The following LARGE1 variants were observed in gnomAD, a reference collection of about 807,000 sequenced individuals.
LARGE1 encodes xylosyl- and glucuronyltransferase LARGE1.
In LARGE1, 43 loss-of-function variants were observed where a neutral mutation model predicts 87.6. The ratio of observed to expected loss-of-function variants is 0.49; its 90% CI spans 0.38 to 0.63. LARGE1 has a LOEUF of 0.63. Among genes scored for constraint, LARGE1 ranks in the 30% least tolerant of loss-of-function variants. LARGE1 has a pLI of 0.00. For synonymous variants in LARGE1, 434 were observed against 394.6 expected (o/e 1.10, Z -1.18); for missense variants, 802 against 1,000.2 (o/e 0.80, Z 2.67).
intron 5 of LARGE1, among the ~76,000 whole-genome samples, chr22:33,594,924 G>C (rs9607063): frequency 0.085 from 12,938 of 152,198 alleles, 673 homozygotes; most frequent in African/African-American, 0.14. Context: ...TTTCTTAACA[G>C]AAGTTTCTGG....
intron 6 of LARGE1, among the ~76,000 whole-genome samples, chr22:33,538,706 G>A (rs1165093821): frequency 6.6e-6 from 1 of 152,056 alleles, no homozygotes; most frequent in South Asian, 2.1e-4. Flanking sequence ...TGCTTGGCAC[G>A]GCCACACAAA....
chr22:33,538,373 T>G (rs2077097219), intron 6 of LARGE1, among the ~76,000 whole-genome samples: 1 of 152,258 alleles, frequency 6.6e-6, no homozygotes, highest in Non-Finnish European at 1.5e-5. Context: ...GAATCACTTC[T>G]CTTTCTTGCG....
At chr22:33,502,078 T>C (rs1027644636) in intron 6 of LARGE1, among the ~76,000 whole-genome samples, 3 of 151,738 alleles carry the variant, frequency 2.0e-5, no homozygotes, top group Non-Finnish European at 4.4e-5. Context: ...CGCCTGTAGT[T>C]CCAGCTACTC....
At chr22:33,290,754 C>T (rs1455108496) in intron 12 of LARGE1, among the ~76,000 whole-genome samples, 1 of 152,056 alleles carries the variant, frequency 6.6e-6, no homozygotes, top group Non-Finnish European at 1.5e-5. Context: ...AAGTTCCCTT[C>T]CCAGCTAGGC....
the LARGE1 span, among the ~76,000 whole-genome samples, chr22:33,149,089 G>T: frequency 6.7e-6 from 1 of 149,120 alleles, no homozygotes; most frequent in South Asian, 2.1e-4. Context: ...CCAGGCTGCA[G>T]TGCAGTGGCG....
chr22:33,393,780 A>AG (rs751543173), intron 7 of LARGE1, among the ~76,000 whole-genome samples: 1 of 152,240 alleles, frequency 6.6e-6, no homozygotes, highest in Non-Finnish European at 1.5e-5. Context: ...AGGACTGTCA[A>AG]GGGAGCTGGC....
intron 12 of LARGE1, among the ~76,000 whole-genome samples, chr22:33,284,005 G>A (rs895993679): frequency 6.6e-6 from 1 of 152,194 alleles, no homozygotes. Flanking sequence ...AACACTTGGG[G>A]AACCCAGAGT....
intron 10 of LARGE1, among the ~76,000 whole-genome samples, chr22:33,324,266 A>AC (rs1451766472): frequency 7.3e-6 from 1 of 136,950 alleles, no homozygotes; most frequent in Non-Finnish European, 1.5e-5. Context: ...AAAGCCAAAA[A>AC]AACAAAAACA....
intron 6 of LARGE1, among the ~76,000 whole-genome samples, chr22:33,455,180 C>T (rs1286502166): frequency 6.6e-6 from 1 of 152,152 alleles, no homozygotes; most frequent in Admixed American, 6.5e-5. Flanking sequence ...GGCCTTGTTG[C>T]CAATGCTTCC....
At chr22:33,438,084 T>C (rs990774374) in intron 6 of LARGE1, among the ~76,000 whole-genome samples, 18 of 152,124 alleles carry the variant, frequency 1.2e-4, no homozygotes, top group Admixed American at 3.9e-4. Context: ...GGTGACAGCA[T>C]GGATGATACA....
intron 2 of LARGE1, among the ~76,000 whole-genome samples, chr22:33,706,776 C>T: frequency 6.6e-6 from 1 of 152,090 alleles, no homozygotes; most frequent in Admixed American, 6.6e-5. Flanking sequence ...GTGAATTGGC[C>T]CTTTTCTGCC....
the LARGE1 span, among the ~76,000 whole-genome samples, chr22:33,095,929 G>A: frequency 6.6e-6 from 1 of 152,168 alleles, no homozygotes; most frequent in Non-Finnish European, 1.5e-5. Context: ...TCCTAGCAGT[G>A]AGTTTTGGAG....
rs1162100086 is a variant in LARGE1, at chr22:33,768,574, C to T, written c.-82-7016G>A. On this transcript the variant is annotated intron_variant, in intron 1 of 14. Coordinates refer to ENST00000397394, the MANE Select transcript of LARGE1 (RefSeq NM_133642.5). ...AGGACTTCTCTGTCAAGTCTAGTCCCGGAGGCTCTCCCTTTTTGCTTCTCA... is the reference window on the plus strand; with the variant it reads ...AGGACTTCTCTGTCAAGTCTAGTCCTGGAGGCTCTCCCTTTTTGCTTCTCA... Among the ~76,000 whole-genome samples, 3 of 152,196 alleles carry T rather than the reference C, an allele frequency of 2.0e-5. 1 individual carries two copies. Among genetic ancestry groups the T allele is most frequent in the Admixed American group, 1.3e-4 (2 of 15,286 alleles).
chr22:33,620,776 G>A (rs1427725995), intron 4 of LARGE1, among the ~76,000 whole-genome samples: 1 of 152,028 alleles, frequency 6.6e-6, no homozygotes, highest in African/African-American at 2.4e-5. Context: ...AATTAGCCGG[G>A]CGTGGTGGTG....
intron 3 of LARGE1, among the ~76,000 whole-genome samples, chr22:33,645,774 T>C (rs2080593080): frequency 6.6e-6 from 1 of 152,052 alleles, no homozygotes; most frequent in African/African-American, 2.4e-5. Flanking sequence ...CATCAAAAAG[T>C]GGCGAAGGTA....
At chr22:33,748,614 A>G (rs570728721) in intron 2 of LARGE1, among the ~76,000 whole-genome samples, 4 of 152,340 alleles carry the variant, frequency 2.6e-5, no homozygotes, top group South Asian at 4.1e-4. Context: ...AAGTGACTCA[A>G]TGTGGACACA....
chr22:33,848,613 C>G (rs1019196839), intron 1 of LARGE1, among the ~76,000 whole-genome samples: 1 of 152,162 alleles, frequency 6.6e-6, no homozygotes, highest in Admixed American at 6.5e-5. Context: ...AGATGCCCCA[C>G]GCTCCTTGCA....
chr22:33,780,239 C>T (rs935945225), intron 1 of LARGE1, among the ~76,000 whole-genome samples: 22 of 152,202 alleles, frequency 1.4e-4, no homozygotes, highest in African/African-American at 5.3e-4. Context: ...TCTGCAACAA[C>T]CCCATTTCCA....
the LARGE1 span, among the ~76,000 whole-genome samples, chr22:33,129,146 T>C: frequency 6.6e-6 from 1 of 152,318 alleles, no homozygotes; most frequent in African/African-American, 2.4e-5. Context: ...AGTCATAACC[T>C]CAAAACACTA....
Sources: gnomAD v4.1 joint callset for allele counts (sites outside exome capture counted in the v4.1 genomes callset) on GRCh38, gnomAD v4.1.1 for gene constraint, MANE v1.5 for transcripts, NCBI Gene and HGNC (gene_info 2026-07-23, HGNC 2026-07-21) for gene names.